The following FRAS1 variants were observed in gnomAD, a reference collection of about 807,000 sequenced individuals.
FRAS1 encodes the protein extracellular matrix organizing protein FRAS1.
In FRAS1, 290 loss-of-function variants were observed where a neutral mutation model predicts 435.2. The ratio of observed to expected loss-of-function variants is 0.67; its 90% CI spans 0.61 to 0.73. The LOEUF (loss-of-function observed/expected upper bound fraction) is 0.73. Among genes scored for constraint, FRAS1 ranks in the 30% least tolerant of loss-of-function variants. The pLI, the probability that FRAS1 is intolerant of heterozygous loss-of-function variation, is 0.00. For synonymous variants in FRAS1, 1,800 were observed against 1,851.0 expected (o/e 0.97, Z 0.71); for missense variants, 4,860 against 5,001.5 (o/e 0.97, Z 0.85).
intron 14 of FRAS1, among the ~76,000 whole-genome samples, chr4:78,295,602 C>T (rs568351829): frequency 6.6e-6 from 1 of 152,272 alleles, no homozygotes; most frequent in South Asian, 2.1e-4. Context: ...ATCCATCTGC[C>T]TGTCTATTCC....
At position 78,473,325 on chromosome 4, in the gene FRAS1, A is replaced by G. The variant is rs1018775112; in HGVS notation, c.7523-113A>G. Reference sequence around the variant, plus strand: ...TACTATACTTTTGGTGCTTGGAAAAATAAGTTTTGTCTGTAATACATTAGA... The same window carrying G: ...TACTATACTTTTGGTGCTTGGAAAAGTAAGTTTTGTCTGTAATACATTAGA... On this transcript the variant is annotated intron_variant, in intron 52 of 73. Coordinates refer to ENST00000512123, the MANE Select transcript of FRAS1 (RefSeq NM_025074.7). The G allele has an allele frequency of 7.8e-6, 6 of 771,584 alleles. No individual in the cohort carries two copies. The African/African-American group carries it at 8.8e-5, about 11-fold the overall frequency. 47.8% of individuals were successfully genotyped at this position (771,584 alleles called of 1,614,324 possible). A position where few individuals can be genotyped will look rare whatever the true frequency, so the allele number is the denominator to read the frequency against.
chr4:78,069,844 T>C (rs1740246572), intron 2 of FRAS1, among the ~76,000 whole-genome samples: 1 of 151,772 alleles, frequency 6.6e-6, no homozygotes, highest in African/African-American at 2.4e-5. Flanking sequence ...CAGGAAGTAG[T>C]CAATTGTCCA....
intron 2 of FRAS1, among the ~76,000 whole-genome samples, chr4:78,125,151 C>G (rs1382582448): frequency 2.6e-5 from 4 of 152,210 alleles, no homozygotes; most frequent in Non-Finnish European, 4.4e-5. Context: ...CCTCTACACA[C>G]TGCTTTAAAT....
chr4:78,094,753 A>G (rs1741707805), intron 2 of FRAS1, among the ~76,000 whole-genome samples: 1 of 152,188 alleles, frequency 6.6e-6, no homozygotes. Context: ...AATTCAGTAT[A>G]AAGTACCATT....
chr4:78,441,042 T>G (rs1042585485), intron 40 of FRAS1, 120 bp from the exon 41 acceptor site: 139 of 890,656 alleles, frequency 1.6e-4, no homozygotes, highest in Admixed American at 3.0e-4. Context: ...ATGGTCTGCC[T>G]CCTCAAAGAA....
intron 20 of FRAS1, among the ~76,000 whole-genome samples, chr4:78,362,387 G>A (rs1028658573): frequency 2.0e-5 from 3 of 152,144 alleles, no homozygotes; most frequent in African/African-American, 4.8e-5. Context: ...TCATGGCAGC[G>A]GCACCTCATT....
At position 78,142,429 on chromosome 4, in the gene FRAS1, C is replaced by G. The variant is rs145586417; in HGVS notation, c.108+76413C>G. 3.3e-4 allele frequency among the ~76,000 whole-genome samples: 50 copies of G among 151,856 alleles called. No individual in the cohort carries two copies. The East Asian group carries it at 5.1e-3, about 16-fold the overall frequency. Reference sequence around the variant, plus strand: ...CTTTTCATTTAAAATATTCTGTACTCAAGCAGAAATAACTAGGCATATGAG... The same window carrying G: ...CTTTTCATTTAAAATATTCTGTACTGAAGCAGAAATAACTAGGCATATGAG... On this transcript the variant is annotated intron_variant, in intron 2 of 73. Coordinates refer to ENST00000512123, the MANE Select transcript of FRAS1 (RefSeq NM_025074.7).
chr4:78,320,648 C>G (rs989500313), intron 18 of FRAS1, among the ~76,000 whole-genome samples: 1 of 151,694 alleles, frequency 6.6e-6, no homozygotes, highest in African/African-American at 2.4e-5. Context: ...CTTCTCTCTC[C>G]CTCCCTCCTT....
intron 2 of FRAS1, among the ~76,000 whole-genome samples, chr4:78,121,118 A>C (rs140181998): frequency 1.3e-4 from 20 of 152,266 alleles, no homozygotes; most frequent in South Asian, 1.0e-3. Flanking sequence ...TCTTACTATC[A>C]AATTGGCCTT....
chr4:78,509,506 G>T (rs1445572705), intron 63 of FRAS1, among the ~76,000 whole-genome samples: 1 of 151,862 alleles, frequency 6.6e-6, no homozygotes, highest in South Asian at 2.1e-4. Context: ...GCCCAAAATG[G>T]CCAGGACATC....
chr4:78,183,027 AAGAGAT>A (rs1722100743), intron 2 of FRAS1, among the ~76,000 whole-genome samples: 1 of 152,186 alleles, frequency 6.6e-6, no homozygotes, highest in Non-Finnish European at 1.5e-5. Context: ...AAGCTGGAAA[AAGAGAT>A]AGAAGGAGCA....
chr4:78,482,985 A>G (rs1482352926), intron 58 of FRAS1, among the ~76,000 whole-genome samples: 2 of 152,258 alleles, frequency 1.3e-5, no homozygotes, highest in Non-Finnish European at 1.5e-5. Context: ...TCTAATGCAT[A>G]ATAAAGGAAA....
chr4:78,076,611 A>T (rs1180316677), intron 2 of FRAS1, among the ~76,000 whole-genome samples: 1 of 152,190 alleles, frequency 6.6e-6, no homozygotes, highest in Non-Finnish European at 1.5e-5. Flanking sequence ...AGCTGTATCA[A>T]TTCCTACATC....
chr4:78,154,339 A>T (rs1308845186), intron 2 of FRAS1, among the ~76,000 whole-genome samples: 1 of 152,168 alleles, frequency 6.6e-6, no homozygotes, highest in African/African-American at 2.4e-5. Context: ...CTGTGTAGAA[A>T]ATAGGACATT....
intron 43 of FRAS1, among the ~76,000 whole-genome samples, chr4:78,447,288 TAAAAAA>T (rs3086830): frequency 2.8e-5 from 3 of 109,032 alleles, no homozygotes; most frequent in Admixed American, 2.1e-4. Flanking sequence ...GTTCCTTTTG[TAAAAAA>T]AAAAAAAAAA....
At chr4:78,476,968 G>A (rs1719869649) in intron 54 of FRAS1, among the ~76,000 whole-genome samples, 1 of 132,230 alleles carries the variant, frequency 7.6e-6, no homozygotes. Flanking sequence ...TTCACTTGAA[G>A]ATTTTTAATT....
intron 4 of FRAS1, among the ~76,000 whole-genome samples, 172 bp from the exon 5 acceptor site, chr4:78,252,220 G>T (rs1408918797): frequency 5.9e-5 from 9 of 152,070 alleles, no homozygotes; most frequent in African/African-American, 2.2e-4. Context: ...ACTGGCCTTT[G>T]ACTTGAAGCC....
intron 2 of FRAS1, among the ~76,000 whole-genome samples, chr4:78,096,938 A>G (rs1741842847): frequency 6.6e-6 from 1 of 152,174 alleles, no homozygotes; most frequent in South Asian, 2.1e-4. Flanking sequence ...AAAAGGAGAA[A>G]TCTTTTCTAT....
rs776091418 is a variant in FRAS1, at chr4:78,407,643, T to C, written c.4130-20T>C. 2 of 1,590,318 alleles carry C rather than the reference T, an allele frequency of 1.3e-6. No homozygotes were observed. The highest frequency in any genetic ancestry group is 1.8e-5 in the Admixed American group (1 of 56,188). On this transcript the variant is annotated intron_variant, in intron 30 of 73. Coordinates refer to ENST00000512123, the MANE Select transcript of FRAS1 (RefSeq NM_025074.7). ...TTTTCCTAGGGACCCTCACTAACTA[T>C]GTGGCCTGTGCCTTCCTAGGGGAGG...
Sources: gnomAD v4.1 joint callset for allele counts (sites outside exome capture counted in the v4.1 genomes callset) on GRCh38, gnomAD v4.1.1 for gene constraint, MANE v1.5 for transcripts, NCBI Gene and HGNC (gene_info 2026-07-23, HGNC 2026-07-21) for gene names.